BRF1: variants seen among roughly 807,000 people sequenced by gnomAD.
The protein encoded by BRF1 is transcription factor IIIB 90 kDa subunit.
In BRF1, 59 loss-of-function variants were observed where a neutral mutation model predicts 81.7. The ratio of observed to expected loss-of-function variants is 0.72; its 90% confidence interval spans 0.59 to 0.90. The LOEUF (loss-of-function observed/expected upper bound fraction) is 0.90. Ranked by LOEUF, BRF1 falls within the 40% of genes least tolerant of loss-of-function variation. The probability of loss-of-function intolerance (pLI) is 0.00; values close to 1 mark genes in which losing one functional copy is unlikely to be tolerated. For missense variants in BRF1, 1,050 were observed against 936.3 expected (o/e 1.12, Z -1.58); for synonymous variants, 491 against 395.6 (o/e 1.24, Z -2.86).
At position 105,249,824 on chromosome 14, in the gene BRF1, A is replaced by T. The variant is rs1343332312; in HGVS notation, c.544+2683T>A. ...CCGGCTGTTTGAGGAGCCCGAGCTG[A>T]CGCAGCGCTGCTGGGAGGTCATTGA... On this transcript the variant is annotated intron_variant, in intron 5 of 17. Coordinates refer to ENST00000547530, the MANE Select transcript of BRF1 (RefSeq NM_001519.4). 2.5e-6 allele frequency: 4 copies of T among 1,613,556 alleles called. No homozygotes were observed. In the South Asian group the frequency reaches 3.3e-5, roughly 13 times the overall value.
intron 3 of BRF1, among the ~76,000 whole-genome samples, chr14:105,261,834 G>A (rs587743996): frequency 3.3e-5 from 5 of 152,350 alleles, no homozygotes; most frequent in South Asian, 4.1e-4. Flanking sequence ...CCCACACGGC[G>A]TGAGGACCAA....
chr14:105,241,133 A>C lies in BRF1; in HGVS notation c.694+132T>G, dbSNP rs911630630. ...GACCCCGGTGGGCCAGGCCAGAGTC[A>C]GCCCCGGGAGGCTGGAGGCAGCTCT... is the stretch of plus-strand genomic sequence containing the variant. On this transcript the variant is annotated intron_variant, in intron 6 of 17. Coordinates refer to ENST00000547530, the MANE Select transcript of BRF1 (RefSeq NM_001519.4). The C allele has an allele frequency of 1.4e-5, 20 of 1,428,058 alleles. No homozygotes were observed. In the East Asian group the frequency reaches 4.4e-4, roughly 32 times the overall value. The allele number at this position is 1,428,058 out of a possible 1,614,324, so 88.5% of individuals were successfully genotyped here.
chr14:105,209,524 G>A lies in BRF1; in HGVS notation c.*1027C>T, dbSNP rs762964707. The A allele has an allele frequency of 5.3e-5, 37 of 702,386 alleles. No homozygotes were observed. Among genetic ancestry groups the A allele is most frequent in the Non-Finnish European group, 9.4e-5 (36 of 384,832 alleles). The allele number at this position is 702,386 out of a possible 1,614,324, so 43.5% of individuals were successfully genotyped here. A position where few individuals can be genotyped will look rare whatever the true frequency, so the allele number is the denominator to read the frequency against. On this transcript the variant is annotated 3_prime_UTR_variant, in exon 18 of 18. Coordinates refer to ENST00000547530, the MANE Select transcript of BRF1 (RefSeq NM_001519.4). The stretch of plus-strand genomic sequence containing the variant: ...AGGCCACCCCCTCCTAAGGACACAG[G>A]GTGAAGCCCCCTCGGCCACATCCGG...
At chr14:105,215,111 C>G (rs957786612) in intron 15 of BRF1, among the ~76,000 whole-genome samples, 1 of 152,172 alleles carries the variant, frequency 6.6e-6, no homozygotes, top group Non-Finnish European at 1.5e-5. Flanking sequence ...GGGGGGAAGA[C>G]TGATGGGTTT....
At chr14:105,248,593 G>C (rs920803248) in intron 5 of BRF1, 3 of 960,902 alleles carry the variant, frequency 3.1e-6, no homozygotes, top group Non-Finnish European at 3.7e-6. Flanking sequence ...GGGCGGGACG[G>C]CGCCCCCCGC....
At chr14:105,307,442 T>C (rs754890099) in intron 1 of BRF1, among the ~76,000 whole-genome samples, 3 of 152,126 alleles carry the variant, frequency 2.0e-5, no homozygotes, top group Non-Finnish European at 4.4e-5. Flanking sequence ...TTGCCCACCC[T>C]TTCCCTTCAC....
chr14:105,209,570 G>A lies in BRF1; in HGVS notation c.*981C>T, dbSNP rs587690785. 1.4e-6 allele frequency: 1 copy of A among 702,704 alleles called. No individual in the cohort carries two copies. The highest frequency in any genetic ancestry group is 1.5e-5 in the South Asian group (1 of 67,602). 43.5% of individuals were successfully genotyped at this position (702,704 alleles called of 1,614,324 possible). ...TCCGGGGCAGCCATGCCAGAGCTGAGACCTCCTACGAGTGGTACTGGGGCC... is the reference window on the plus strand; with the variant it reads ...TCCGGGGCAGCCATGCCAGAGCTGAAACCTCCTACGAGTGGTACTGGGGCC... On this transcript the variant is annotated 3_prime_UTR_variant, in exon 18 of 18. Coordinates refer to ENST00000547530, the MANE Select transcript of BRF1 (RefSeq NM_001519.4).
chr14:105,249,452 G>T (rs1301268627), intron 5 of BRF1: 1 of 1,612,726 alleles, frequency 6.2e-7, no homozygotes, highest in African/African-American at 1.3e-5. Flanking sequence ...CAGACGTGGA[G>T]CCCGCAGCCT....
intron 2 of BRF1, among the ~76,000 whole-genome samples, chr14:105,273,658 G>A (rs140143891): frequency 6.6e-6 from 1 of 152,188 alleles, no homozygotes; most frequent in Non-Finnish European, 1.5e-5. Flanking sequence ...CAAGGTTTCA[G>A]GGATCTAGGG....
chr14:105,272,920 T>C (rs765027620), intron 2 of BRF1, 26 bp from the exon 3 acceptor site: 11 of 1,555,192 alleles, frequency 7.1e-6, no homozygotes, highest in South Asian at 3.6e-5. Flanking sequence ...AGGCAGCTCT[T>C]AGCCAAATGT....
At chr14:105,268,726 C>T (rs1346193589) in intron 3 of BRF1, among the ~76,000 whole-genome samples, 1 of 152,206 alleles carries the variant, frequency 6.6e-6, no homozygotes, top group Non-Finnish European at 1.5e-5. Context: ...GGGGGCCATG[C>T]ACCCCACAAC....
intron 12 of BRF1, chr14:105,219,511 G>C: frequency 1.7e-6 from 1 of 595,588 alleles, no homozygotes; most frequent in Non-Finnish European, 2.8e-6. Context: ...TGGCCAGCCA[G>C]AGTGCAGGCC....
chr14:105,226,628 C>G lies in BRF1; in HGVS notation c.915+6G>C. 6 of 1,612,842 alleles carry G rather than the reference C, an allele frequency of 3.7e-6. No homozygotes were observed. The highest frequency in any genetic ancestry group is 5.1e-6 in the Non-Finnish European group (6 of 1,179,982). On this transcript the variant is annotated splice_donor_region_variant and intron_variant, in intron 8 of 17. Transcript: ENST00000547530. ...CAGCACAGACAGACACCAAAGCCGG[C>G]GCTACCTGCTTCATCCGCAGCTTCC...
chr14:105,249,975 A>T, intron 5 of BRF1: 1 of 1,612,590 alleles, frequency 6.2e-7, no homozygotes. Context: ...GCCGTCCTGA[A>T]CTGGGCCGAG....
intron 5 of BRF1, chr14:105,247,239 T>C (rs2055184605): frequency 1.0e-6 from 1 of 985,456 alleles, no homozygotes; most frequent in East Asian, 1.1e-4. Context: ...CTCTCATGCA[T>C]ATGCTACAGC....
At chr14:105,304,410 C>T (rs1023566579), upstream of BRF1, among the ~76,000 whole-genome samples, 2 of 152,128 alleles carry the variant, frequency 1.3e-5, no homozygotes, top group African/African-American at 2.4e-5. Context: ...ATTGCTTGAA[C>T]CTGGGAGGCG....
At chr14:105,300,402 A>C (rs1388902443) in intron 1 of BRF1, 44 bp downstream of exon 1, 1 of 1,482,414 alleles carries the variant, frequency 6.7e-7, no homozygotes, top group South Asian at 1.3e-5. Flanking sequence ...AGCCCGCCTA[A>C]GCCGCACCGA....
At chr14:105,301,819 T>A (rs962771365), upstream of BRF1, among the ~76,000 whole-genome samples, 2 of 152,152 alleles carry the variant, frequency 1.3e-5, no homozygotes, top group African/African-American at 4.8e-5. Context: ...ATAGGGCCGG[T>A]GACATACCCA....
At chr14:105,219,122 G>A in intron 13 of BRF1, 29 bp downstream of exon 13, 3 of 1,613,178 alleles carry the variant, frequency 1.9e-6, no homozygotes, top group Non-Finnish European at 2.5e-6. Context: ...TGTGCGTCCT[G>A]CGTGTGAGTG....
Sources: gnomAD v4.1 joint callset for allele counts (sites outside exome capture counted in the v4.1 genomes callset) on GRCh38, gnomAD v4.1.1 for gene constraint, MANE v1.5 for transcripts, NCBI Gene and HGNC (gene_info 2026-07-23, HGNC 2026-07-21) for gene names.